GPM6A: variants seen among roughly 807,000 people sequenced by gnomAD.
The protein encoded by GPM6A is glycoprotein M6A.
Under a neutral mutation model 32.1 loss-of-function variants are expected in GPM6A, and 7 were observed. That is an observed-to-expected ratio of 0.22 (90% CI 0.12 to 0.41). The LOEUF (loss-of-function observed/expected upper bound fraction) is 0.41. Ranked by LOEUF, GPM6A falls within the 10% of genes least tolerant of loss-of-function variation. The pLI is 1.00. For missense variants in GPM6A, 235 were observed against 347.2 expected, an observed-to-expected ratio of 0.68 and a Z score of 2.57; for synonymous variants, 130 against 123.4, an observed-to-expected ratio of 1.05 and a Z score of -0.35.
intron 6 of GPM6A, among the ~76,000 whole-genome samples, chr4:175,638,078 G>A (rs928155598): frequency 3.3e-5 from 5 of 149,458 alleles, no homozygotes; most frequent in East Asian, 3.9e-4. Flanking sequence ...ATGCTAAGTC[G>A]ATTTACTTTG....
rs75298005 is a variant in GPM6A at position 175,656,731 on chromosome 4, T to A, written c.388-4744A>T. The stretch of plus-strand genomic sequence containing the variant: ...AACTTAGACTTAATGTCTAAGAAAA[T>A]CACACCCTGTTGAGGTCTAGACTTT... On this transcript the variant is annotated intron_variant, in intron 3 of 6. Transcript: ENST00000393658. Among the ~76,000 whole-genome samples the A allele has an allele frequency of 2.0e-3, 311 of 152,246 alleles. 2 individuals carry two copies. Among genetic ancestry groups the A allele is most frequent in the African/African-American group, 7.3e-3 (304 of 41,560 alleles).
chr4:175,935,585 A>G (rs1236199407), intron 1 of GPM6A, among the ~76,000 whole-genome samples: 1 of 152,208 alleles, frequency 6.6e-6, no homozygotes, highest in Non-Finnish European at 1.5e-5. Context: ...CAATACCAAC[A>G]TACTAAAATC....
At chr4:175,818,753 T>A (rs938116590) in intron 1 of GPM6A, among the ~76,000 whole-genome samples, 2 of 152,206 alleles carry the variant, frequency 1.3e-5, no homozygotes, top group African/African-American at 4.8e-5. Context: ...GAGATACATA[T>A]CATGTTCATA....
intron 1 of GPM6A, among the ~76,000 whole-genome samples, chr4:175,764,200 G>A (rs145658286): frequency 6.0e-4 from 92 of 152,258 alleles, no homozygotes; most frequent in African/African-American, 2.2e-3. Context: ...ACCTACCAGT[G>A]ACTCATCTGC....
In GPM6A at chr4:175,662,261, G is replaced by A. The variant is rs543985265; in HGVS notation, c.388-10274C>T. Among the ~76,000 whole-genome samples the A allele has an allele frequency of 1.7e-4, 26 of 151,966 alleles. No homozygotes were observed. The South Asian group carries it at 2.3e-3, about 13-fold the overall frequency. The stretch of plus-strand genomic sequence containing the variant: ...CACCCTCTTGCCTGCATACCACCTC[G>A]CACACACTTTCAACTAGTGCTTCGC... On this transcript the variant is annotated intron_variant, in intron 3 of 6. Transcript: ENST00000393658.
chr4:175,655,622 TG>T (rs770307649), intron 3 of GPM6A, among the ~76,000 whole-genome samples: 11 of 152,224 alleles, frequency 7.2e-5, no homozygotes, highest in Non-Finnish European at 1.0e-4. Flanking sequence ...TTTGTATATG[TG>T]TGCCTTTATT....
chr4:175,813,245 A>C (rs541923543), upstream of GPM6A: 1 of 182,076 alleles, frequency 5.5e-6, no homozygotes, highest in South Asian at 1.9e-4. Flanking sequence ...GGGAGGAACA[A>C]ATTTTAGATA....
At chr4:175,898,686 C>G (rs922782276) in intron 1 of GPM6A, among the ~76,000 whole-genome samples, 1 of 152,102 alleles carries the variant, frequency 6.6e-6, no homozygotes, top group African/African-American at 2.4e-5. Context: ...CAATGGCCCT[C>G]AAAAAATATG....
At chr4:175,835,786 T>C (rs1735751031) in intron 1 of GPM6A, among the ~76,000 whole-genome samples, 1 of 147,948 alleles carries the variant, frequency 6.8e-6, no homozygotes. Flanking sequence ...TAATAAAGCA[T>C]ATATAATATA....
Position 175,639,563 on chromosome 4 carries a change from T to C in GPM6A, c.684+566A>G, listed in dbSNP as rs542297156. ...ATTCCAGTGGGCATACTGGAACTCA[T>C]GCCAAGTTAGAAAGGAGGAGACTGG... On this transcript the variant is annotated intron_variant, in intron 6 of 6. Coordinates refer to ENST00000393658, the MANE Select transcript of GPM6A (RefSeq NM_201591.3). Among the ~76,000 whole-genome samples, 8 of 152,256 alleles carry C rather than the reference T, an allele frequency of 5.3e-5. No homozygotes were observed. The East Asian group carries it at 1.4e-3, about 26-fold the overall frequency.
intron 1 of GPM6A, among the ~76,000 whole-genome samples, chr4:175,708,721 T>G (rs893615729): frequency 6.6e-6 from 1 of 152,088 alleles, no homozygotes; most frequent in Non-Finnish European, 1.5e-5. Flanking sequence ...CAAAATAGAT[T>G]GAGATAGAGA....
At chr4:175,743,932 G>A (rs1042220397) in intron 1 of GPM6A, among the ~76,000 whole-genome samples, 2 of 150,328 alleles carry the variant, frequency 1.3e-5, no homozygotes, top group Non-Finnish European at 3.0e-5. Flanking sequence ...GAAGAGTTTA[G>A]CAGTTGTACA....
At chr4:175,970,659 C>G (rs1224555019) in intron 1 of GPM6A, among the ~76,000 whole-genome samples, 3 of 151,728 alleles carry the variant, frequency 2.0e-5, no homozygotes, top group Non-Finnish European at 2.9e-5. Flanking sequence ...AACACAGTCA[C>G]GAGTGAAAAA....
At chr4:175,640,974 T>C (rs1424749015) in intron 4 of GPM6A, 145 bp from the exon 5 acceptor site, 8 of 618,296 alleles carry the variant, frequency 1.3e-5, no homozygotes, top group Admixed American at 5.7e-5. Flanking sequence ...CTAGCTTTCA[T>C]TGTGGATAAT....
At chr4:175,958,999 GT>G (rs951777092) in intron 1 of GPM6A, among the ~76,000 whole-genome samples, 64 of 151,992 alleles carry the variant, frequency 4.2e-4, no homozygotes, top group Non-Finnish European at 7.4e-4. Context: ...GGAATCCCAG[GT>G]TTTTTTAAAA....
intron 1 of GPM6A, among the ~76,000 whole-genome samples, chr4:175,998,964 T>C (rs1741395741): frequency 1.3e-5 from 2 of 151,802 alleles, no homozygotes; most frequent in Admixed American, 1.3e-4. Flanking sequence ...TCCAGCTCCA[T>C]GTCTTACTGT....
At chr4:175,668,214 G>A (rs1001575129) in intron 3 of GPM6A, among the ~76,000 whole-genome samples, 1 of 151,932 alleles carries the variant, frequency 6.6e-6, no homozygotes, top group Non-Finnish European at 1.5e-5. Context: ...GTTACACTGA[G>A]ATTGGTCCAC....
chr4:175,894,226 T>C (rs182481335), intron 1 of GPM6A, among the ~76,000 whole-genome samples: 4 of 152,252 alleles, frequency 2.6e-5, no homozygotes, highest in Admixed American at 2.6e-4. Flanking sequence ...TTTTTTTTAG[T>C]TCTTTGAAGA....
At position 175,654,386 on chromosome 4, in the gene GPM6A, C is replaced by T. The variant is rs77101143; in HGVS notation, c.388-2399G>A. 327 of 152,198 alleles carry T rather than the reference C, an allele frequency of 2.1e-3. 1 individual carries two copies. Among genetic ancestry groups the T allele is most frequent in the African/African-American group, 7.4e-3 (308 of 41,530 alleles). The allele number at this position is 152,198 out of a possible 1,614,324, so 9.4% of individuals were successfully genotyped here. On this transcript the variant is annotated intron_variant, in intron 3 of 6. Coordinates refer to ENST00000393658, the MANE Select transcript of GPM6A (RefSeq NM_201591.3). ...AATAACTCTAAACTGGCTTCACATG[C>T]TTAAGTGAGCCTGAGATGAGATAAT...
Sources: gnomAD v4.1 joint callset for allele counts (sites outside exome capture counted in the v4.1 genomes callset) on GRCh38, gnomAD v4.1.1 for gene constraint, MANE v1.5 for transcripts, NCBI Gene and HGNC (gene_info 2026-07-23, HGNC 2026-07-21) for gene names.